The following TRPM1 variants were observed in gnomAD, a reference collection of about 807,000 sequenced individuals.
The protein encoded by TRPM1 is transient receptor potential cation channel subfamily M member 1, also known as TRPM1-203 APA Isoform, Intron 10.
In TRPM1, 113 loss-of-function variants were observed where a neutral mutation model predicts 149.4. The ratio of observed to expected loss-of-function variants is 0.76; its 90% CI spans 0.65 to 0.88. TRPM1 has a LOEUF of 0.88. TRPM1 is among the 40% of genes least tolerant of loss of function. TRPM1 has a pLI of 0.00. For synonymous variants in TRPM1, 741 were observed against 759.5 expected (o/e 0.98, Z 0.40); for missense variants, 1,976 against 2,038.7 (o/e 0.97, Z 0.59).
At chr15:31,104,829 T>C (rs535468622), upstream of TRPM1, among the ~76,000 whole-genome samples, 40 of 152,090 alleles carry the variant, frequency 2.6e-4, no homozygotes, top group Admixed American at 1.0e-3. Context: ...CTCCTGACCT[T>C]GTGATCCGCC....
chr15:31,113,201 G>T (rs955154074), intron 1 of TRPM1, among the ~76,000 whole-genome samples: 1 of 152,134 alleles, frequency 6.6e-6, no homozygotes, highest in African/African-American at 2.4e-5. Context: ...GCTGGTGAAT[G>T]GTAACTCACA....
intron 27 of TRPM1, among the ~76,000 whole-genome samples, chr15:31,015,997 G>A (rs2032343862): frequency 1.3e-5 from 2 of 152,090 alleles, no homozygotes; most frequent in African/African-American, 4.8e-5. Flanking sequence ...CAAGGCATTT[G>A]ATGACCCCAG....
At chr15:31,098,010 T>C (rs1320575272) in intron 1 of TRPM1, among the ~76,000 whole-genome samples, 5 of 152,282 alleles carry the variant, frequency 3.3e-5, no homozygotes, top group Non-Finnish European at 7.3e-5. Flanking sequence ...ATATATTGTG[T>C]TAAATGAATT....
chr15:31,089,571 A>G (rs1429891884), intron 1 of TRPM1, among the ~76,000 whole-genome samples: 2 of 152,158 alleles, frequency 1.3e-5, no homozygotes, highest in Non-Finnish European at 2.9e-5. Context: ...CCTGAGCGGC[A>G]CCGTTTGCTC....
intron 1 of TRPM1, among the ~76,000 whole-genome samples, chr15:31,119,342 G>A (rs868281332): frequency 2.6e-5 from 4 of 152,158 alleles, no homozygotes; most frequent in South Asian, 4.1e-4. Context: ...AAGGCAAGAA[G>A]AAAATGAGAA....
At chr15:31,036,743 T>C (rs1324651592) in intron 20 of TRPM1, among the ~76,000 whole-genome samples, 1 of 152,072 alleles carries the variant, frequency 6.6e-6, no homozygotes, top group African/African-American at 2.4e-5. Flanking sequence ...CCTCAGATGG[T>C]TCTAACCAGA....
At chr15:31,095,091 T>C (rs1422318358) in intron 1 of TRPM1, among the ~76,000 whole-genome samples, 2 of 152,366 alleles carry the variant, frequency 1.3e-5, no homozygotes, top group African/African-American at 2.4e-5. Flanking sequence ...GGAAACGTGA[T>C]GCTAACTGAT....
rs1010630453 is a variant in TRPM1 at position 31,060,570 on chromosome 15, T to C, written c.1237A>G (p.Ile413Val). The stretch of plus-strand genomic sequence containing the variant: ...GGCCAGTGGGGCCCAAAGACAAAGA[T>C]CTGGCTTCGTGCTATGTCCACGCGG... ...WNRVDIARSQ[I>V]FVFGPHWPPL... Residue 413 changes from isoleucine (I) to valine (V), a missense_variant, in exon 11 of 28, where the codon ATC becomes GTC. Physicochemically the swap from Ile to Val is conservative, Grantham distance 29. Around this residue, in one of 3 missense-constraint regions of TRPM1, gnomAD observed 1,332 missense variants for 1,347.1 expected, o/e 0.99. Coordinates refer to ENST00000256552, the MANE Select transcript of TRPM1 (RefSeq NM_001252024.2). 13 of 1,614,052 alleles carry C rather than the reference T, an allele frequency of 8.1e-6. No individual in the cohort carries two copies. The Admixed American group carries it at 1.5e-4, about 19-fold the overall frequency.
At chr15:31,144,785 G>A (rs138448024) in intron 1 of TRPM1, among the ~76,000 whole-genome samples, 13 of 147,366 alleles carry the variant, frequency 8.8e-5, no homozygotes, top group Non-Finnish European at 1.6e-4. Flanking sequence ...GCATGATCTC[G>A]GCTCACTGCA....
At chr15:31,037,642 T>C in intron 20 of TRPM1, 69 bp downstream of exon 20, 2 of 1,609,228 alleles carry the variant, frequency 1.2e-6, no homozygotes, top group Non-Finnish European at 1.7e-6. Context: ...CCTTGAAGTT[T>C]TTCTTGATTC....
At chr15:31,121,237 A>AG (rs1480696275) in intron 1 of TRPM1, among the ~76,000 whole-genome samples, 1 of 151,352 alleles carries the variant, frequency 6.6e-6, no homozygotes, top group East Asian at 1.9e-4. Flanking sequence ...AAAAAAAAAA[A>AG]AAAAAAAGAA....
At position 31,001,678 on chromosome 15, in the gene TRPM1, A is replaced by T; in HGVS notation, c.*144T>A. The T allele has an allele frequency of 1.3e-6, 1 of 775,278 alleles. No individual in the cohort carries two copies. The highest frequency in any genetic ancestry group is 2.0e-6 in the Non-Finnish European group (1 of 491,178). The allele number at this position is 775,278 out of a possible 1,614,324, so 48.0% of individuals were successfully genotyped here. ...CATATGCTAACAAAATACTACTTTTAGTGCATTAAATTGTAAATCAAGTCT... is the reference window on the plus strand; with the variant it reads ...CATATGCTAACAAAATACTACTTTTTGTGCATTAAATTGTAAATCAAGTCT... On this transcript the variant is annotated 3_prime_UTR_variant, in exon 28 of 28. Coordinates refer to ENST00000256552, the MANE Select transcript of TRPM1 (RefSeq NM_001252024.2).
upstream of TRPM1, among the ~76,000 whole-genome samples, chr15:31,104,499 G>C (rs1215749440): frequency 2.0e-5 from 3 of 151,978 alleles, no homozygotes; most frequent in Non-Finnish European, 2.9e-5. Context: ...CTTCTGTTAG[G>C]AGACATCTCT....
At chr15:31,027,701 G>A (rs1459648355) in intron 25 of TRPM1, among the ~76,000 whole-genome samples, 1 of 152,096 alleles carries the variant, frequency 6.6e-6, no homozygotes, top group Non-Finnish European at 1.5e-5. Context: ...GTTTGGACCA[G>A]GTTTTCTCCA....
chr15:31,088,172 C>T lies in TRPM1; in HGVS notation c.-83-6734G>A, dbSNP rs964214357. ...TCTGTGTCTAGCTAAAGGTTTGTAA[C>T]GCACCAATCAGCACGCTGTAAAAAC... On this transcript the variant is annotated intron_variant, in intron 1 of 27. Coordinates refer to ENST00000256552, the MANE Select transcript of TRPM1 (RefSeq NM_001252024.2). Among the ~76,000 whole-genome samples, 5 of 151,996 alleles carry T rather than the reference C, an allele frequency of 3.3e-5. No individual in the cohort carries two copies. The South Asian group carries it at 8.3e-4, about 25-fold the overall frequency.
chr15:31,107,062 C>G (rs1376374207), intron 1 of TRPM1, among the ~76,000 whole-genome samples: 1 of 152,112 alleles, frequency 6.6e-6, no homozygotes, highest in Non-Finnish European at 1.5e-5. Context: ...GTAAAACTGG[C>G]CTCATAAAAT....
intron 1 of TRPM1, among the ~76,000 whole-genome samples, chr15:31,111,202 G>A (rs530917426): frequency 1.3e-5 from 2 of 152,182 alleles, no homozygotes; most frequent in African/African-American, 2.4e-5. Flanking sequence ...CTAGCAGAGA[G>A]CATTATCTGA....
intron 1 of TRPM1, among the ~76,000 whole-genome samples, chr15:31,125,666 C>A (rs1437556095): frequency 6.1e-5 from 7 of 114,232 alleles, no homozygotes; most frequent in Non-Finnish European, 8.6e-5. Flanking sequence ...GGAGGCGGAG[C>A]TTGCAGTGAG....
In TRPM1 at chr15:31,049,464, G is replaced by C. The variant is rs765113979; in HGVS notation, c.1483C>G (p.Arg495Gly). The change falls in exon 13 of 28, where the codon CGT becomes GGT. Residue 495 changes from arginine to glycine, a missense_variant. Coordinates refer to ENST00000256552, the MANE Select transcript of TRPM1 (RefSeq NM_001252024.2). ...ATCAGGAGCTTCACAAAGTCGACAC[G>C]ATCTAAGACTAAAGCATCTAGCATC... ...QAMLDALVLD[R>G]VDFVKLLIEN... 2 of 1,614,124 alleles carry C rather than the reference G, an allele frequency of 1.2e-6. No homozygotes were observed. Among genetic ancestry groups the C allele is most frequent in the Non-Finnish European group, 1.7e-6 (2 of 1,180,040 alleles).
Sources: allele counts gnomAD v4.1 joint callset (sites outside exome capture counted in the v4.1 genomes callset), GRCh38; gene constraint gnomAD v4.1.1; regional missense constraint gnomAD v4.1.1; transcripts MANE v1.5; gene names NCBI Gene and HGNC (gene_info 2026-07-23, HGNC 2026-07-21).